Variants in EDN1 observed in about 807,000 individuals in gnomAD.
The protein encoded by EDN1 is endothelin 1, also known as endothelin-1.
A neutral mutation model predicts 21.7 loss-of-function variants in EDN1; 11 were observed. The ratio of observed to expected loss-of-function variants is 0.51; its 90% CI spans 0.32 to 0.84. The LOEUF (loss-of-function observed/expected upper bound fraction) is 0.84. Among genes scored for constraint, EDN1 ranks in the 40% least tolerant of loss-of-function variants. The pLI, the probability that EDN1 is intolerant of heterozygous loss-of-function variation, is 0.03. For synonymous variants in EDN1, 85 were observed against 90.6 expected (o/e 0.94, Z 0.35); for missense variants, 244 against 262.3 (o/e 0.93, Z 0.48).
the EDN1 span, among the ~76,000 whole-genome samples, chr6:12,254,544 T>C: frequency 6.6e-6 from 1 of 152,198 alleles, no homozygotes; most frequent in African/African-American, 2.4e-5. Flanking sequence ...GACAAAGATC[T>C]ATCCAGAAGG....
rs779354272 is a variant in EDN1 at position 12,296,120 on chromosome 6, C to T, written c.*53C>T. On this transcript the variant is annotated 3_prime_UTR_variant, in exon 5 of 5. Coordinates refer to ENST00000379375, the MANE Select transcript of EDN1 (RefSeq NM_001955.5). ...TAGCCTCCACGGAGAGCCCTGTGGC[C>T]GACTCTGCACTCTCCACCCTGGCTG... 2.7e-5 allele frequency: 39 copies of T among 1,469,838 alleles called. No individual in the cohort carries two copies. The highest frequency in any genetic ancestry group is 1.7e-4 in the African/African-American group (12 of 72,032). 91.0% of individuals were successfully genotyped at this position (1,469,838 alleles called of 1,614,324 possible).
chr6:12,294,898 T>C (rs989982249), intron 4 of EDN1, among the ~76,000 whole-genome samples: 2 of 150,916 alleles, frequency 1.3e-5, no homozygotes, highest in Non-Finnish European at 2.9e-5. Context: ...ATTTAGAACA[T>C]GCTGTTTTTC....
In EDN1 at chr6:12,294,369, C is replaced by T; in HGVS notation, c.498C>T (p.Ile166=). The T allele has an allele frequency of 6.2e-7, 1 of 1,614,026 alleles. No homozygotes were observed. The highest frequency in any genetic ancestry group is 8.5e-7 in the Non-Finnish European group (1 of 1,180,010). The change falls in exon 4 of 5, where the codon ATC becomes ATT. Residue 166 remains isoleucine (I), a synonymous_variant. Coordinates refer to ENST00000379375, the MANE Select transcript of EDN1 (RefSeq NM_001955.5). The part of the protein sequence containing the change: ...IYQQLVRGRK[I]RRSSEEHLRQ... The stretch of plus-strand genomic sequence containing the variant: ...AGCAGTTAGTGAGAGGAAGAAAAAT[C>T]AGAAGAAGTTCAGAGGAACACCTAA...
At chr6:12,253,996 T>C in the EDN1 span, among the ~76,000 whole-genome samples, 1 of 152,240 alleles carries the variant, frequency 6.6e-6, no homozygotes, top group East Asian at 1.9e-4. Context: ...ACCTCAACCC[T>C]CTAACTGGTT....
At chr6:12,257,084 C>G in the EDN1 span, among the ~76,000 whole-genome samples, 1 of 152,112 alleles carries the variant, frequency 6.6e-6, no homozygotes, top group Non-Finnish European at 1.5e-5. Context: ...TTTGATGTTG[C>G]TAATCTAATT....
In EDN1 at chr6:12,293,917, T is replaced by C. The variant is rs182154246; in HGVS notation, c.234-24T>C. ...AAGACTATTAATTACACTAATATAG[T>C]TTCTTTCTCTCTTTGGATAATAGGC... is the stretch of plus-strand genomic sequence containing the variant. On this transcript the variant is annotated intron_variant, in intron 2 of 4. Transcript: ENST00000379375. 1.3e-5 allele frequency: 21 copies of C among 1,613,664 alleles called. No individual in the cohort carries two copies. In the African/African-American group the frequency reaches 2.3e-4, roughly 17 times the overall value.
At chr6:12,278,985 A>G in the EDN1 span, among the ~76,000 whole-genome samples, 1 of 152,178 alleles carries the variant, frequency 6.6e-6, no homozygotes, top group Non-Finnish European at 1.5e-5. Flanking sequence ...TTGAAAGAAT[A>G]CTACCTTCTT....
chr6:12,242,508 G>T, the EDN1 span, among the ~76,000 whole-genome samples: 1 of 152,130 alleles, frequency 6.6e-6, no homozygotes, highest in Non-Finnish European at 1.5e-5. Flanking sequence ...TATAAAATAG[G>T]TCTCTATATG....
the EDN1 span, among the ~76,000 whole-genome samples, chr6:12,248,020 A>G: frequency 6.6e-6 from 1 of 152,078 alleles, no homozygotes. Context: ...TAAGAAGAAA[A>G]GGAGATACTA....
chr6:12,277,907 T>G, the EDN1 span, among the ~76,000 whole-genome samples: 1 of 152,250 alleles, frequency 6.6e-6, no homozygotes, highest in Non-Finnish European at 1.5e-5. Context: ...AGAACCCCTT[T>G]GGGATTAAGG....
At chr6:12,288,078 G>C (rs2113789936), upstream of EDN1, among the ~76,000 whole-genome samples, 1 of 152,188 alleles carries the variant, frequency 6.6e-6, no homozygotes, top group East Asian at 1.9e-4. Flanking sequence ...CAGCAAGGTG[G>C]GGTGGCGTGG....
At chr6:12,259,503 T>C in the EDN1 span, among the ~76,000 whole-genome samples, 2 of 151,776 alleles carry the variant, frequency 1.3e-5, no homozygotes, top group African/African-American at 4.8e-5. Context: ...AATTTGTTGG[T>C]TTAACAAACT....
the EDN1 span, among the ~76,000 whole-genome samples, chr6:12,271,554 T>C: frequency 6.6e-6 from 1 of 152,190 alleles, no homozygotes; most frequent in Non-Finnish European, 1.5e-5. Flanking sequence ...GCTAGACTTA[T>C]CATCGACCAT....
the EDN1 span, among the ~76,000 whole-genome samples, chr6:12,251,812 C>T: frequency 6.6e-5 from 10 of 152,174 alleles, no homozygotes; most frequent in African/African-American, 1.9e-4. Flanking sequence ...GATGACTGTG[C>T]GTGCCTGAGG....
chr6:12,276,095 G>A, the EDN1 span, among the ~76,000 whole-genome samples: 2 of 142,316 alleles, frequency 1.4e-5, no homozygotes, highest in African/African-American at 2.6e-5. Context: ...CCGGGAGGCA[G>A]AGGTTGCAGT....
chr6:12,248,013 G>A, the EDN1 span, among the ~76,000 whole-genome samples: 58 of 152,118 alleles, frequency 3.8e-4, no homozygotes, highest in Non-Finnish European at 6.9e-4. Context: ...GTCCTTATAA[G>A]AAGAAAAGGA....
At chr6:12,287,734 A>G (rs1314599872), upstream of EDN1, among the ~76,000 whole-genome samples, 2 of 149,300 alleles carry the variant, frequency 1.3e-5, no homozygotes, top group East Asian at 4.0e-4. Context: ...ACACACACAC[A>G]CACACACACA....
chr6:12,251,125 C>T, the EDN1 span, among the ~76,000 whole-genome samples: 1 of 152,202 alleles, frequency 6.6e-6, no homozygotes, highest in Non-Finnish European at 1.5e-5. Flanking sequence ...TATATCACAA[C>T]ACTCATTCAT....
chr6:12,243,304 A>AGAGGAG, the EDN1 span, among the ~76,000 whole-genome samples: 1 of 97,052 alleles, frequency 1.0e-5, no homozygotes, highest in Admixed American at 1.3e-4. Flanking sequence ...GAGGAGGAGG[A>AGAGGAG]GAGGAGGAGG....
Sources: gnomAD v4.1 joint callset for allele counts (sites outside exome capture counted in the v4.1 genomes callset) on GRCh38, gnomAD v4.1.1 for gene constraint, MANE v1.5 for transcripts, NCBI Gene and HGNC (gene_info 2026-07-23, HGNC 2026-07-21) for gene names.